The following PPP1R9A variants were observed in gnomAD, a reference collection of about 807,000 sequenced individuals.
The protein encoded by PPP1R9A is neurabin-1.
Under a neutral mutation model 141.9 loss-of-function variants are expected in PPP1R9A, and 59 were observed. The observed-to-expected ratio is 0.42, with a 90% confidence interval of 0.34 to 0.52. The LOEUF (loss-of-function observed/expected upper bound fraction) is 0.52. PPP1R9A is among the 20% of genes least tolerant of loss of function. The probability of loss-of-function intolerance (pLI) is 0.10; values close to 1 mark genes in which losing one functional copy is unlikely to be tolerated. For synonymous variants in PPP1R9A, 500 were observed against 569.7 expected, an observed-to-expected ratio of 0.88 and a Z score of 1.74; for missense variants, 1,444 against 1,611.9, an observed-to-expected ratio of 0.90 and a Z score of 1.78.
At chr7:94,942,493 A>G (rs541728225) in intron 2 of PPP1R9A, among the ~76,000 whole-genome samples, 1 of 152,266 alleles carries the variant, frequency 6.6e-6, no homozygotes, top group South Asian at 2.1e-4. Context: ...CATGCCTGTA[A>G]GTATTGTCTA....
intron 12 of PPP1R9A, among the ~76,000 whole-genome samples, chr7:95,263,253 G>A (rs1326478212): frequency 6.6e-6 from 1 of 151,998 alleles, no homozygotes. Context: ...TTTTAACTAC[G>A]CAAGTAATAC....
intron 2 of PPP1R9A, among the ~76,000 whole-genome samples, chr7:95,105,270 A>G (rs1328522722): frequency 2.0e-5 from 3 of 152,258 alleles, no homozygotes; most frequent in African/African-American, 7.2e-5. Flanking sequence ...GAAAATGTAT[A>G]TAAGATAATG....
chr7:95,231,098 G>A (rs1273457866), intron 8 of PPP1R9A, among the ~76,000 whole-genome samples: 1 of 152,016 alleles, frequency 6.6e-6, no homozygotes, highest in African/African-American at 2.4e-5. Context: ...AAAGCAAGTA[G>A]GAGTAGCTAT....
intron 2 of PPP1R9A, among the ~76,000 whole-genome samples, chr7:94,944,833 T>G (rs565541473): frequency 2.0e-5 from 3 of 152,114 alleles, no homozygotes; most frequent in African/African-American, 7.2e-5. Flanking sequence ...CAGATGTATA[T>G]GGAAAGTTAG....
chr7:95,247,316 C>G (rs959506346), intron 8 of PPP1R9A, among the ~76,000 whole-genome samples, 157 bp from the exon 9 acceptor site: 1 of 152,214 alleles, frequency 6.6e-6, no homozygotes, highest in Non-Finnish European at 1.5e-5. Context: ...CACCCAGTGT[C>G]ATTTCACACA....
At chr7:95,225,012 C>T (rs183301093) in intron 7 of PPP1R9A, among the ~76,000 whole-genome samples, 43 of 152,110 alleles carry the variant, frequency 2.8e-4, no homozygotes, top group Admixed American at 2.8e-3. Context: ...TTTTGAATTA[C>T]AGTATCATAG....
intron 2 of PPP1R9A, among the ~76,000 whole-genome samples, chr7:95,054,733 C>G (rs1811285862): frequency 6.6e-6 from 1 of 152,056 alleles, no homozygotes; most frequent in African/African-American, 2.4e-5. Flanking sequence ...GTACTTGCCC[C>G]CAGATGAGCT....
intron 2 of PPP1R9A, among the ~76,000 whole-genome samples, chr7:95,090,595 G>T (rs972872093): frequency 6.6e-6 from 1 of 151,910 alleles, no homozygotes; most frequent in Non-Finnish European, 1.5e-5. Flanking sequence ...ATCACCTGAG[G>T]TCTGGAGTTT....
At chr7:95,187,015 C>G (rs1834754899) in intron 5 of PPP1R9A, among the ~76,000 whole-genome samples, 2 of 152,016 alleles carry the variant, frequency 1.3e-5, no homozygotes, top group African/African-American at 4.8e-5. Flanking sequence ...TAGGGTGATA[C>G]TGGCTTTATA....
At chr7:94,986,633 TG>T (rs1197093766) in intron 2 of PPP1R9A, among the ~76,000 whole-genome samples, 1 of 152,236 alleles carries the variant, frequency 6.6e-6, no homozygotes, top group Non-Finnish European at 1.5e-5. Flanking sequence ...CAGCACAAAA[TG>T]ATAAATGTTT....
At chr7:94,930,909 G>A (rs896885270) in intron 2 of PPP1R9A, among the ~76,000 whole-genome samples, 3 of 152,220 alleles carry the variant, frequency 2.0e-5, no homozygotes, top group Non-Finnish European at 4.4e-5. Context: ...AATCAGAGAT[G>A]AGGTCCTGAA....
chr7:95,205,801 ATTAT>A (rs1206939478), intron 7 of PPP1R9A, among the ~76,000 whole-genome samples: 2 of 152,132 alleles, frequency 1.3e-5, no homozygotes, highest in Admixed American at 6.5e-5. Context: ...TCTTTCTGTC[ATTAT>A]TTATCCATAA....
rs75913546 is a variant in PPP1R9A, at chr7:95,052,914, G to A, written c.1396-58345G>A. 9.7e-4 allele frequency among the ~76,000 whole-genome samples: 148 copies of A among 152,236 alleles called. 1 individual carries two copies. In the East Asian group the frequency reaches 0.024, roughly 25 times the overall value. Reference sequence around the variant, plus strand: ...ACCTCTGCTCATTTCTCTTGTCGTTGTGTCTGCTCTATATCATGCTCTCAT... The same window carrying A: ...ACCTCTGCTCATTTCTCTTGTCGTTATGTCTGCTCTATATCATGCTCTCAT... On this transcript the variant is annotated intron_variant, in intron 2 of 19. Coordinates refer to ENST00000433360, the MANE Select transcript of PPP1R9A (RefSeq NM_001166160.2).
At chr7:95,218,283 T>C (rs1489217839) in intron 7 of PPP1R9A, among the ~76,000 whole-genome samples, 2 of 152,118 alleles carry the variant, frequency 1.3e-5, no homozygotes, top group Non-Finnish European at 2.9e-5. Context: ...CGATTTTGAG[T>C]GAGTTTCTTA....
rs1490348999 is a variant in PPP1R9A, at chr7:94,911,270, A to G, written c.1157A>G (p.Asp386Gly). The G allele has an allele frequency of 1.7e-5, 27 of 1,614,048 alleles. No individual in the cohort carries two copies. The highest frequency in any genetic ancestry group is 1.9e-5 in the Non-Finnish European group (22 of 1,180,020). The change falls in exon 2 of 20, where the codon GAT (aspartate) becomes GGT (glycine). Residue 386 changes from aspartate (D) to glycine (G), a missense_variant. Physicochemically the swap from Asp to Gly is moderately conservative, Grantham distance 94. Coordinates refer to ENST00000433360, the MANE Select transcript of PPP1R9A (RefSeq NM_001166160.2). ...AGTTGTGGAAAAGAAGTACCTGAAG[A>G]TTCAAATAATTTTGATGGTTCCCAT... ...ASSCGKEVPE[D>G]SNNFDGSHVY... is the part of the protein sequence containing the mutation.
intron 6 of PPP1R9A, among the ~76,000 whole-genome samples, chr7:95,201,363 G>A (rs923159539): frequency 3.9e-5 from 6 of 152,046 alleles, no homozygotes; most frequent in African/African-American, 7.2e-5. Flanking sequence ...TGTGACTTGG[G>A]TTTTTTCCCT....
At chr7:95,272,843 A>G (rs1469644404) in intron 14 of PPP1R9A, among the ~76,000 whole-genome samples, 2 of 152,238 alleles carry the variant, frequency 1.3e-5, no homozygotes, top group Non-Finnish European at 2.9e-5. Flanking sequence ...GAAAGTTCCT[A>G]GAAATTTAAA....
chr7:95,262,443 T>C (rs1800575917), intron 12 of PPP1R9A, among the ~76,000 whole-genome samples: 1 of 152,220 alleles, frequency 6.6e-6, no homozygotes, highest in South Asian at 2.1e-4. Flanking sequence ...TTCCATATCC[T>C]TTCATAGTCT....
intron 2 of PPP1R9A, among the ~76,000 whole-genome samples, chr7:95,078,192 C>T (rs1397222368): frequency 3.5e-5 from 5 of 141,962 alleles, no homozygotes; most frequent in African/African-American, 5.2e-5. Context: ...CATGTGTTCT[C>T]ACTGTTCAAT....
Sources: allele counts gnomAD v4.1 joint callset (sites outside exome capture counted in the v4.1 genomes callset), GRCh38; gene constraint gnomAD v4.1.1; transcripts MANE v1.5; gene names NCBI Gene and HGNC (gene_info 2026-07-23, HGNC 2026-07-21).